The following ATAD2B variants were observed in gnomAD, a reference collection of about 807,000 sequenced individuals.
The protein encoded by ATAD2B is ATPase family AAA domain containing 2B.
ATAD2B carries 40 observed loss-of-function variants against 167.6 expected under a neutral mutation model. The ratio of observed to expected loss-of-function variants is 0.24; its 90% CI spans 0.19 to 0.31. The LOEUF is 0.31. Ranked by LOEUF, ATAD2B falls within the 10% of genes least tolerant of loss-of-function variation. ATAD2B has a pLI of 1.00. For missense variants in ATAD2B, 1,242 were observed against 1,757.2 expected (o/e 0.71, Z 5.24); for synonymous variants, 579 against 596.5 (o/e 0.97, Z 0.43).
chr2:23,694,165 C>T, the ATAD2B span, among the ~76,000 whole-genome samples: 1 of 152,370 alleles, frequency 6.6e-6, no homozygotes, highest in East Asian at 1.9e-4. Flanking sequence ...GCCTTCTGGG[C>T]CTCTCCAGCA....
chr2:23,885,824 G>T lies in ATAD2B; in HGVS notation c.578C>A (p.Ala193Asp). ...GTCCATTTCCTGTAGTACAGCTTCAGCAGTGCTACAATCACATAATAAAAT... is the reference window on the plus strand; with the variant it reads ...GTCCATTTCCTGTAGTACAGCTTCATCAGTGCTACAATCACATAATAAAAT... ...LLFDQLVNSTAEAVLQEMDNI... is the reference protein window; with the variant it reads ...LLFDQLVNSTDEAVLQEMDNI... The change falls in exon 5 of 28, where the codon GCT becomes GAT. Residue 193 changes from alanine (A) to aspartate (D), a missense_variant. Physicochemically the swap from Ala to Asp is moderately radical, Grantham distance 126. This residue lies in a region of ATAD2B where 99 missense variants were observed against 160.4 expected (regional missense o/e 0.62). Transcript: ENST00000238789. 6.4e-7 allele frequency: 1 copy of T among 1,562,492 alleles called. No homozygotes were observed. Among genetic ancestry groups the T allele is most frequent in the Non-Finnish European group, 8.7e-7 (1 of 1,145,710 alleles).
intron 2 of ATAD2B, among the ~76,000 whole-genome samples, chr2:23,888,696 C>CT (rs1699042049): frequency 6.6e-6 from 1 of 152,118 alleles, no homozygotes; most frequent in African/African-American, 2.4e-5. Context: ...ATAAAATTAA[C>CT]TGAGACCATG....
intron 1 of ATAD2B, among the ~76,000 whole-genome samples, chr2:23,898,873 G>C (rs1700445894): frequency 6.6e-6 from 1 of 152,164 alleles, no homozygotes; most frequent in East Asian, 1.9e-4. Context: ...GTTAAGTCAG[G>C]GGCAGTGGCT....
chr2:23,774,908 A>G (rs1420811014), intron 22 of ATAD2B, among the ~76,000 whole-genome samples: 1 of 152,198 alleles, frequency 6.6e-6, no homozygotes, highest in Non-Finnish European at 1.5e-5. Flanking sequence ...CTGAAAATAA[A>G]TAAGTAAATA....
chr2:23,845,871 C>T (rs1691711039), intron 13 of ATAD2B, among the ~76,000 whole-genome samples: 1 of 142,406 alleles, frequency 7.0e-6, no homozygotes, highest in African/African-American at 2.7e-5. Context: ...AGAGTAACTG[C>T]ACCCCACCTC....
chr2:23,880,034 G>A (rs554436302), intron 7 of ATAD2B, among the ~76,000 whole-genome samples: 2 of 151,010 alleles, frequency 1.3e-5, no homozygotes, highest in South Asian at 4.2e-4. Flanking sequence ...CTCCAGTCTG[G>A]GTGACTGCAG....
chr2:23,862,270 C>T (rs1694496072), intron 12 of ATAD2B, among the ~76,000 whole-genome samples: 1 of 152,046 alleles, frequency 6.6e-6, no homozygotes, highest in African/African-American at 2.4e-5. Flanking sequence ...GTAATGGGTG[C>T]TCAAAGCTTG....
At position 23,860,198 on chromosome 2, in the gene ATAD2B, T is replaced by C. The variant is rs531643263; in HGVS notation, c.1480-2695A>G. Reference sequence around the variant, plus strand: ...ACACAGCAAGAAGGCACTGACCAGATGCCTTGATTTTGGACTTCCTCGTCT... The same window carrying C: ...ACACAGCAAGAAGGCACTGACCAGACGCCTTGATTTTGGACTTCCTCGTCT... On this transcript the variant is annotated intron_variant, in intron 12 of 27. Transcript: ENST00000238789. Among the ~76,000 whole-genome samples, 10 of 152,328 alleles carry C rather than the reference T, an allele frequency of 6.6e-5. No individual in the cohort carries two copies. In the East Asian group the frequency reaches 1.2e-3, roughly 18 times the overall value.
chr2:23,758,814 C>T (rs1440842205), intron 24 of ATAD2B, among the ~76,000 whole-genome samples: 3 of 152,090 alleles, frequency 2.0e-5, no homozygotes, highest in Non-Finnish European at 2.9e-5. Context: ...ACAACATAAA[C>T]AAAACACTGA....
chr2:23,840,954 T>C, intron 13 of ATAD2B, among the ~76,000 whole-genome samples: 1 of 152,180 alleles, frequency 6.6e-6, no homozygotes, highest in Admixed American at 6.5e-5. Context: ...TCATCCAGAA[T>C]GGAGTACAGT....
At chr2:23,918,014 T>G (rs1703305016) in intron 1 of ATAD2B, among the ~76,000 whole-genome samples, 1 of 148,856 alleles carries the variant, frequency 6.7e-6, no homozygotes, top group South Asian at 2.1e-4. Context: ...GTCATTGAAC[T>G]CCAGCCTGGG....
At chr2:23,853,355 A>G (rs1395852726) in intron 13 of ATAD2B, among the ~76,000 whole-genome samples, 2 of 152,268 alleles carry the variant, frequency 1.3e-5, no homozygotes, top group Non-Finnish European at 2.9e-5. Context: ...AATAGAACTA[A>G]CAAATGAATT....
rs543177751 is a variant in ATAD2B, at chr2:23,789,754, A to G, written c.2641-1107T>C. The stretch of plus-strand genomic sequence containing the variant: ...TATGAAATGAACCCTTAAAAATTCC[A>G]TAAATATGATATCATTCTACCTTCA... On this transcript the variant is annotated intron_variant, in intron 19 of 27. Coordinates refer to ENST00000238789, the MANE Select transcript of ATAD2B (RefSeq NM_017552.4). Among the ~76,000 whole-genome samples, 3 of 152,326 alleles carry G rather than the reference A, an allele frequency of 2.0e-5. No individual in the cohort carries two copies. In the South Asian group the frequency reaches 6.2e-4, roughly 32 times the overall value.
chr2:23,725,704 C>A, the ATAD2B span, among the ~76,000 whole-genome samples: 4 of 151,914 alleles, frequency 2.6e-5, no homozygotes, highest in East Asian at 7.7e-4. Flanking sequence ...CCGAAAGAAT[C>A]CAGAGGAATA....
chr2:23,770,138 C>T (rs1181887194), intron 22 of ATAD2B, among the ~76,000 whole-genome samples: 2 of 150,870 alleles, frequency 1.3e-5, no homozygotes, highest in Non-Finnish European at 3.0e-5. Flanking sequence ...GGTGAAACCC[C>T]ATCTCTACTA....
chr2:23,787,778 C>T (rs2149411904), intron 20 of ATAD2B, among the ~76,000 whole-genome samples: 1 of 152,092 alleles, frequency 6.6e-6, no homozygotes, highest in South Asian at 2.1e-4. Flanking sequence ...AACAGGATTG[C>T]TACTTCCTAG....
intron 3 of ATAD2B, 100 bp from the exon 4 acceptor site, chr2:23,888,085 TTAATA>T (rs1369470711): frequency 9.9e-7 from 1 of 1,010,990 alleles, no homozygotes; most frequent in East Asian, 3.1e-5. Context: ...TACAAAAAAT[TTAATA>T]TAACTTTTTA....
Position 23,818,291 on chromosome 2 carries a change from G to C in ATAD2B, c.2267+1456C>G, listed in dbSNP as rs370334288. ...AGGGAGGGAGGGAAGAAGAGAGGGA[G>C]GGGGGAGAGAGAGAGAGAGAAAGAG... is the stretch of plus-strand genomic sequence containing the variant. On this transcript the variant is annotated intron_variant, in intron 17 of 27. Coordinates refer to ENST00000238789, the MANE Select transcript of ATAD2B (RefSeq NM_017552.4). Among the ~76,000 whole-genome samples, 523 of 115,520 alleles carry C rather than the reference G, an allele frequency of 4.5e-3. 7 individuals are homozygous for C. Among genetic ancestry groups the C allele is most frequent in the African/African-American group, 0.013 (452 of 34,096 alleles). The allele number at this position is 115,520 out of a possible 152,430, so 75.8% of individuals were successfully genotyped here.
chr2:23,875,540 T>G (rs151122362), intron 8 of ATAD2B, among the ~76,000 whole-genome samples: 1 of 151,794 alleles, frequency 6.6e-6, no homozygotes, highest in Non-Finnish European at 1.5e-5. Flanking sequence ...TGTACCTACA[T>G]GTAAAAGAAA....
Sources: allele counts gnomAD v4.1 joint callset (sites outside exome capture counted in the v4.1 genomes callset), GRCh38; gene constraint gnomAD v4.1.1; regional missense constraint gnomAD v4.1.1; transcripts MANE v1.5; gene names NCBI Gene and HGNC (gene_info 2026-07-23, HGNC 2026-07-21).